The following GTF2IRD1 variants were observed in gnomAD, a reference collection of about 807,000 sequenced individuals.
GTF2IRD1 encodes the protein general transcription factor II-I repeat domain-containing protein 1.
Under a neutral mutation model 113.2 loss-of-function variants are expected in GTF2IRD1, and 26 were observed. The observed-to-expected ratio is 0.23, with a 90% CI of 0.17 to 0.32. The LOEUF is 0.32. GTF2IRD1 is among the 10% of genes least tolerant of loss of function. GTF2IRD1 has a pLI of 1.00. For synonymous variants in GTF2IRD1, 484 were observed against 529.1 expected, an observed-to-expected ratio of 0.91 and a Z score of 1.17; for missense variants, 864 against 1,280.8, an observed-to-expected ratio of 0.67 and a Z score of 4.97.
intron 19 of GTF2IRD1, 78 bp from the exon 20 acceptor site, chr7:74,557,560 AG>A: frequency 1.1e-6 from 1 of 941,282 alleles, no homozygotes; most frequent in Non-Finnish European, 1.7e-6. Context: ...CCCCATAATT[AG>A]AAAATCATCT....
At chr7:74,496,610 ATGTGGGTGTGCG>A (rs782410107) in intron 1 of GTF2IRD1, among the ~76,000 whole-genome samples, 124 of 107,656 alleles carry the variant, frequency 1.2e-3, no homozygotes, top group Admixed American at 2.2e-3. Context: ...GTGTGCATGT[ATGTGGGTGTGCG>A]TGTGGGTGTG....
At chr7:74,504,896 C>T (rs1796224474) in intron 1 of GTF2IRD1, among the ~76,000 whole-genome samples, 1 of 151,666 alleles carries the variant, frequency 6.6e-6, no homozygotes, top group African/African-American at 2.4e-5. Flanking sequence ...TTAGTAGAGA[C>T]GGGGTTTCAC....
chr7:74,538,513 T>C (rs747805392), intron 12 of GTF2IRD1, among the ~76,000 whole-genome samples, 167 bp from the exon 13 acceptor site: 35 of 152,248 alleles, frequency 2.3e-4, no homozygotes, highest in Non-Finnish European at 4.1e-4. Context: ...GCCTGAGGGC[T>C]CCCCTGACCT....
At chr7:74,567,842 G>A (rs1800417038) in intron 22 of GTF2IRD1, among the ~76,000 whole-genome samples, 2 of 152,236 alleles carry the variant, frequency 1.3e-5, no homozygotes, top group South Asian at 2.1e-4. Flanking sequence ...CTGGAGTGCA[G>A]TGGCGTGATC....
intron 6 of GTF2IRD1, 37 bp from the exon 7 acceptor site, chr7:74,521,171 C>T (rs1797273486): frequency 8.0e-7 from 1 of 1,254,306 alleles, no homozygotes; most frequent in East Asian, 2.3e-5. Context: ...CCTCTTGGGT[C>T]CCACCTGGAA....
intron 9 of GTF2IRD1, among the ~76,000 whole-genome samples, chr7:74,531,548 GAT>G (rs1355379709): frequency 6.6e-6 from 1 of 151,990 alleles, no homozygotes; most frequent in Non-Finnish European, 1.5e-5. Context: ...AACCATCTGA[GAT>G]CATGCTGGCA....
intron 22 of GTF2IRD1, among the ~76,000 whole-genome samples, chr7:74,567,536 A>G (rs1800396894): frequency 6.6e-6 from 1 of 152,034 alleles, no homozygotes; most frequent in South Asian, 2.1e-4. Context: ...CCAGAGTGGA[A>G]TAGTGGGCTC....
intron 1 of GTF2IRD1, among the ~76,000 whole-genome samples, chr7:74,487,876 C>A (rs1795116784): frequency 6.6e-6 from 1 of 152,172 alleles, no homozygotes; most frequent in Non-Finnish European, 1.5e-5. Flanking sequence ...ATATTTTAAT[C>A]TTTTCAAATT....
At chr7:74,593,812 G>A (rs1162816355) in intron 24 of GTF2IRD1, among the ~76,000 whole-genome samples, 2 of 151,990 alleles carry the variant, frequency 1.3e-5, no homozygotes, top group African/African-American at 4.8e-5. Context: ...GCTAAGACAG[G>A]AGAATTGCTT....
intron 17 of GTF2IRD1, among the ~76,000 whole-genome samples, chr7:74,549,148 G>C (rs150871500): frequency 3.9e-5 from 6 of 151,988 alleles, no homozygotes; most frequent in African/African-American, 9.7e-5. Flanking sequence ...AGATTAGCCA[G>C]GTGTGGTGGC....
In GTF2IRD1 at chr7:74,521,315, A is replaced by C. The variant is rs1797283095; in HGVS notation, c.1006+18A>C. 1.3e-6 allele frequency: 2 copies of C among 1,489,700 alleles called. No individual in the cohort carries two copies. The highest frequency in any genetic ancestry group is 2.8e-5 in the African/African-American group (2 of 72,542). The allele number at this position is 1,489,700 out of a possible 1,614,324, so 92.3% of individuals were successfully genotyped here. A position where few individuals can be genotyped will look rare whatever the true frequency, so the allele number is the denominator to read the frequency against. ...CAAGTCAGGTAGGACAGCGCCCACG[A>C]AGCACCCCGGCCTGAGTGGGAATCT... is the stretch of plus-strand genomic sequence containing the variant. On this transcript the variant is annotated intron_variant, in intron 7 of 26. Coordinates refer to ENST00000424337, the MANE Select transcript of GTF2IRD1 (RefSeq NM_005685.4).
At position 74,539,756 on chromosome 7, in the gene GTF2IRD1, A is replaced by C. The variant is rs1207738549; in HGVS notation, c.1529-123A>C. The C allele has an allele frequency of 1.1e-5, 7 of 640,724 alleles. No individual in the cohort carries two copies. The African/African-American group carries it at 1.3e-4, about 12-fold the overall frequency. 39.7% of individuals were successfully genotyped at this position (640,724 alleles called of 1,614,324 possible). A position where few individuals can be genotyped will look rare whatever the true frequency, so the allele number is the denominator to read the frequency against. On this transcript the variant is annotated intron_variant, in intron 13 of 26. Transcript: ENST00000424337. ...GAGACTCCATCTCAAACCAAAAAAA[A>C]AAAAGAGACAGAAAGAAAAGGACCC...
chr7:74,573,537 C>A (rs1800820271), intron 22 of GTF2IRD1, among the ~76,000 whole-genome samples: 1 of 152,084 alleles, frequency 6.6e-6, no homozygotes, highest in African/African-American at 2.4e-5. Context: ...CCAGCGAAGA[C>A]CACCCAAGCT....
chr7:74,501,813 G>GGGCT (rs1554339605), intron 1 of GTF2IRD1, among the ~76,000 whole-genome samples: 1 of 152,116 alleles, frequency 6.6e-6, no homozygotes, highest in African/African-American at 2.4e-5. Context: ...CACAGTGCCT[G>GGGCT]GCTAATTTTT....
At chr7:74,598,691 C>T (rs1554373094) in intron 25 of GTF2IRD1, among the ~76,000 whole-genome samples, 5 of 151,962 alleles carry the variant, frequency 3.3e-5, no homozygotes, top group African/African-American at 9.7e-5. Flanking sequence ...GGACAGATGC[C>T]CAGAGGGTGG....
intron 8 of GTF2IRD1, among the ~76,000 whole-genome samples, chr7:74,524,678 C>T (rs370866560): frequency 6.6e-5 from 10 of 152,272 alleles, no homozygotes; most frequent in African/African-American, 2.4e-4. Flanking sequence ...CCAGCCTGGC[C>T]AACATGCCAG....
chr7:74,552,251 C>T (rs1380592009), intron 17 of GTF2IRD1, among the ~76,000 whole-genome samples: 1 of 152,118 alleles, frequency 6.6e-6, no homozygotes, highest in Non-Finnish European at 1.5e-5. Context: ...GGAGAGGTGG[C>T]TCACGCCTGT....
intron 11 of GTF2IRD1, among the ~76,000 whole-genome samples, chr7:74,537,474 C>T (rs1203737116): frequency 1.3e-5 from 2 of 152,064 alleles, no homozygotes; most frequent in East Asian, 3.9e-4. Context: ...GCATACATAC[C>T]TACTACATGC....
intron 4 of GTF2IRD1, among the ~76,000 whole-genome samples, chr7:74,516,286 C>T (rs969192119): frequency 6.6e-6 from 1 of 152,244 alleles, no homozygotes; most frequent in Non-Finnish European, 1.5e-5. Context: ...CCCTCTCCAG[C>T]CCAAGAGCTC....
Sources: gnomAD v4.1 joint callset for allele counts (sites outside exome capture counted in the v4.1 genomes callset) on GRCh38, gnomAD v4.1.1 for gene constraint, MANE v1.5 for transcripts, NCBI Gene and HGNC (gene_info 2026-07-23, HGNC 2026-07-21) for gene names.